The following RPS6KC1 variants were observed in gnomAD, a reference collection of about 807,000 sequenced individuals.
RPS6KC1 encodes inactive ribosomal protein S6 kinase delta-1.
In RPS6KC1, 54 loss-of-function variants were observed where a neutral mutation model predicts 103.8. The ratio of observed to expected loss-of-function variants is 0.52; its 90% CI spans 0.42 to 0.65. The LOEUF (loss-of-function observed/expected upper bound fraction) is 0.65, where lower values mean the gene tolerates loss of function less well. Among genes scored for constraint, RPS6KC1 ranks in the 30% least tolerant of loss-of-function variants. The probability of loss-of-function intolerance (pLI) is 0.00; values close to 1 mark genes in which losing one functional copy is unlikely to be tolerated. For synonymous variants in RPS6KC1, 439 were observed against 438.7 expected (o/e 1.00, Z -0.01); for missense variants, 1,151 against 1,253.8 (o/e 0.92, Z 1.24).
the RPS6KC1 span, among the ~76,000 whole-genome samples, chr1:213,830,262 C>G: frequency 0.014 from 2,172 of 152,142 alleles, 41 homozygotes; most frequent in East Asian, 0.09. Context: ...TATGGCTCAT[C>G]ATAAAGAAAA....
chr1:213,684,930 C>T, the RPS6KC1 span, among the ~76,000 whole-genome samples: 1 of 152,246 alleles, frequency 6.6e-6, no homozygotes, highest in Non-Finnish European at 1.5e-5. Context: ...TCATTGGATT[C>T]TGCATTGCCT....
In RPS6KC1 at chr1:213,094,011, A is replaced by T. The variant is rs2081226714; in HGVS notation, c.263-10443A>T. ...AACTGTTTACCCTTCCTGGTTATTC[A>T]TCTCATCAGTATAGCACTTAACTCA... On this transcript the variant is annotated intron_variant, in intron 3 of 14. Transcript: ENST00000366960. Among the ~76,000 whole-genome samples the T allele has an allele frequency of 2.6e-5, 4 of 151,816 alleles. No individual in the cohort carries two copies. In the South Asian group the frequency reaches 8.3e-4, roughly 32 times the overall value.
chr1:213,471,172 TG>T, the RPS6KC1 span, among the ~76,000 whole-genome samples: 1 of 152,172 alleles, frequency 6.6e-6, no homozygotes, highest in Non-Finnish European at 1.5e-5. Flanking sequence ...TCTTTGTAGT[TG>T]GAGCCCTGTT....
intron 4 of RPS6KC1, among the ~76,000 whole-genome samples, chr1:213,113,535 T>G (rs1197534431): frequency 6.6e-6 from 1 of 150,950 alleles, no homozygotes; most frequent in Non-Finnish European, 1.5e-5. Context: ...TGGTAGTTTC[T>G]TTTGCTGTGC....
At chr1:213,215,569 A>C (rs544435525) in intron 8 of RPS6KC1, among the ~76,000 whole-genome samples, 1 of 152,222 alleles carries the variant, frequency 6.6e-6, no homozygotes, top group African/African-American at 2.4e-5. Flanking sequence ...TCCAAGACAC[A>C]TAATTGTCAG....
chr1:213,338,890 A>G, the RPS6KC1 span, among the ~76,000 whole-genome samples: 2 of 151,300 alleles, frequency 1.3e-5, no homozygotes, highest in Non-Finnish European at 2.9e-5. Flanking sequence ...GTGTTCTCCC[A>G]TGTCTGGCTC....
At chr1:213,268,117 C>T (rs374789984) in intron 14 of RPS6KC1, among the ~76,000 whole-genome samples, 9 of 151,916 alleles carry the variant, frequency 5.9e-5, no homozygotes, top group African/African-American at 2.2e-4. Context: ...GTCTACACTG[C>T]AACATATTTA....
At chr1:213,788,475 T>G in the RPS6KC1 span, among the ~76,000 whole-genome samples, 1 of 152,122 alleles carries the variant, frequency 6.6e-6, no homozygotes, top group Non-Finnish European at 1.5e-5. Flanking sequence ...GCGTTTCTTC[T>G]AAGTATGAAA....
chr1:213,062,238 A>G (rs559135432), intron 1 of RPS6KC1, among the ~76,000 whole-genome samples: 1 of 152,332 alleles, frequency 6.6e-6, no homozygotes, highest in South Asian at 2.1e-4. Context: ...GATAGGTTGC[A>G]GTCATGCACA....
chr1:213,772,691 A>C, the RPS6KC1 span, among the ~76,000 whole-genome samples: 3 of 151,176 alleles, frequency 2.0e-5, no homozygotes, highest in African/African-American at 7.3e-5. Flanking sequence ...CCTGAATCAC[A>C]ATGCCGGGGA....
the RPS6KC1 span, among the ~76,000 whole-genome samples, chr1:213,774,156 T>C: frequency 6.6e-6 from 1 of 152,262 alleles, no homozygotes; most frequent in Non-Finnish European, 1.5e-5. Flanking sequence ...AGATCTCATC[T>C]TCTAGAAATA....
the RPS6KC1 span, among the ~76,000 whole-genome samples, chr1:213,583,044 C>T: frequency 2.0e-5 from 3 of 152,310 alleles, no homozygotes; most frequent in African/African-American, 7.2e-5. Flanking sequence ...ATTGTTTTCA[C>T]TTAGCATATT....
chr1:213,218,156 G>T (rs2093720294), intron 8 of RPS6KC1, among the ~76,000 whole-genome samples: 1 of 152,128 alleles, frequency 6.6e-6, no homozygotes, highest in African/African-American at 2.4e-5. Context: ...TCCTTAAACT[G>T]ATAAGCAACT....
chr1:213,700,743 T>C, the RPS6KC1 span, among the ~76,000 whole-genome samples: 7 of 152,124 alleles, frequency 4.6e-5, no homozygotes, highest in African/African-American at 1.4e-4. Context: ...ATCAGTGTTT[T>C]ATAGTTTTCA....
the RPS6KC1 span, among the ~76,000 whole-genome samples, chr1:213,435,937 C>T: frequency 2.0e-5 from 3 of 152,092 alleles, no homozygotes; most frequent in African/African-American, 7.2e-5. Context: ...AGAGAGTCCT[C>T]TGGGCTCTGC....
the RPS6KC1 span, among the ~76,000 whole-genome samples, chr1:213,506,239 G>A: frequency 6.6e-6 from 1 of 152,178 alleles, no homozygotes; most frequent in Non-Finnish European, 1.5e-5. Context: ...GAATTGGTAA[G>A]TAACGAGATG....
chr1:213,522,544 A>G, the RPS6KC1 span, among the ~76,000 whole-genome samples: 1 of 152,352 alleles, frequency 6.6e-6, no homozygotes, highest in South Asian at 2.1e-4. Flanking sequence ...AGTCCTAGAT[A>G]GCATCTTCTT....
the RPS6KC1 span, among the ~76,000 whole-genome samples, chr1:213,672,549 C>T: frequency 6.6e-6 from 1 of 152,286 alleles, no homozygotes; most frequent in East Asian, 1.9e-4. Flanking sequence ...GCACCTTTGG[C>T]CTTCCTGCTA....
chr1:213,737,936 A>G, the RPS6KC1 span, among the ~76,000 whole-genome samples: 3 of 152,222 alleles, frequency 2.0e-5, no homozygotes, highest in Non-Finnish European at 4.4e-5. Context: ...GATTTGCTTC[A>G]GCACCATTGC....
Sources: allele counts gnomAD v4.1 joint callset (sites outside exome capture counted in the v4.1 genomes callset), GRCh38; gene constraint gnomAD v4.1.1; transcripts MANE v1.5; gene names NCBI Gene and HGNC (gene_info 2026-07-23, HGNC 2026-07-21).